Variants in TACC2 observed in about 807,000 individuals in gnomAD.
TACC2 encodes transforming acidic coiled-coil containing protein 2.
Under a neutral mutation model 227.3 loss-of-function variants are expected in TACC2, and 137 were observed. The ratio of observed to expected loss-of-function variants is 0.60; its 90% CI spans 0.52 to 0.69. The LOEUF is 0.69. TACC2 is among the 30% of genes least tolerant of loss of function. The probability of loss-of-function intolerance (pLI) is 0.00; values close to 1 mark genes in which losing one functional copy is unlikely to be tolerated. For synonymous variants in TACC2, 1,523 were observed against 1,487.5 expected (o/e 1.02, Z -0.55); for missense variants, 3,470 against 3,694.4 (o/e 0.94, Z 1.57).
intron 6 of TACC2, among the ~76,000 whole-genome samples, chr10:122,139,708 G>A (rs577658406): frequency 6.6e-5 from 10 of 152,180 alleles, no homozygotes; most frequent in South Asian, 2.1e-4. Flanking sequence ...TGGGAATTTC[G>A]GAAGAAAAAA....
chr10:122,171,311 T>C (rs2093461319), intron 7 of TACC2, among the ~76,000 whole-genome samples: 1 of 151,020 alleles, frequency 6.6e-6, no homozygotes, highest in Non-Finnish European at 1.5e-5. Context: ...AACAGAAGCC[T>C]TGGGCTCTGG....
Position 122,087,298 on chromosome 10 carries a change from C to A in TACC2, c.4798C>A (p.His1600Asn). The A allele has an allele frequency of 6.2e-7, 1 of 1,613,982 alleles. No individual in the cohort carries two copies. The highest frequency in any genetic ancestry group is 1.7e-5 in the Admixed American group (1 of 60,034). The part of the protein sequence containing the change: ...AQDRIPSGKQ[H>N]QETSACDSPH... Reference sequence around the variant, plus strand: ...AGACAGAATTCCTTCTGGAAAGCAGCACCAGGAAACATCTGCCTGCGACAG... The same window carrying A: ...AGACAGAATTCCTTCTGGAAAGCAGAACCAGGAAACATCTGCCTGCGACAG... Residue 1600 changes from histidine to asparagine, a missense_variant, in exon 4 of 23, where the codon CAC (histidine) becomes AAC (asparagine). Transcript: ENST00000369005.
rs1554997868 is a variant in TACC2 at position 122,075,200 on chromosome 10, A to AAAG, written c.147-7445_147-7444insGAA. ...TAAATCTTGCTGCCAAAAAAAAAAAAAAAGAAAGAAAGAAAGAAAGTCAGC... is the reference window on the plus strand; with the variant it reads ...TAAATCTTGCTGCCAAAAAAAAAAAAAAGAAAGAAAGAAAGAAAGAAAGTCAGC... On this transcript the variant is annotated intron_variant, in intron 3 of 22. Coordinates refer to ENST00000369005, the MANE Select transcript of TACC2 (RefSeq NM_206862.4). Among the ~76,000 whole-genome samples, 410 of 122,356 alleles carry AAAG rather than the reference A, an allele frequency of 3.4e-3. 1 individual carries two copies. Among genetic ancestry groups the AAAG allele is most frequent in the South Asian group, 0.013 (47 of 3,720 alleles). The allele number at this position is 122,356 out of a possible 152,430, so 80.3% of individuals were successfully genotyped here. A position where few individuals can be genotyped will look rare whatever the true frequency, so the allele number is the denominator to read the frequency against.
chr10:122,051,086 G>A (rs951162916), intron 3 of TACC2: 4 of 153,790 alleles, frequency 2.6e-5, no homozygotes, highest in African/African-American at 9.7e-5. Context: ...TTGAGATGGA[G>A]TCTCATCCAG....
chr10:122,182,229 G>A (rs1351263859), intron 7 of TACC2, among the ~76,000 whole-genome samples: 1 of 152,196 alleles, frequency 6.6e-6, no homozygotes. Context: ...CTCTGGGCAG[G>A]ACCCTGAGAA....
intron 15 of TACC2, among the ~76,000 whole-genome samples, 162 bp downstream of exon 15, chr10:122,229,648 C>T (rs931063305): frequency 6.6e-6 from 1 of 152,132 alleles, no homozygotes; most frequent in Non-Finnish European, 1.5e-5. Context: ...GACGTTCTTT[C>T]CCCACGATAC....
rs2083054339 is a variant in TACC2, at chr10:122,107,891, CTTTT to C, written c.5573+19303_5573+19306del. On this transcript the variant is annotated intron_variant, in intron 5 of 22. Transcript: ENST00000369005. ...ATATATATATATATATTTTTTTTTT[CTTTT>C]TTCTTTTTTTTTTTTTGAGACGGAG... is the stretch of plus-strand genomic sequence containing the variant. Among the ~76,000 whole-genome samples, 28 of 47,010 alleles carry C rather than the reference CTTTT, an allele frequency of 6.0e-4. 1 individual carries two copies. The highest frequency in any genetic ancestry group is 1.0e-3 in the East Asian group (1 of 958). 30.8% of individuals were successfully genotyped at this position (47,010 alleles called of 152,430 possible).
intron 7 of TACC2, among the ~76,000 whole-genome samples, chr10:122,148,727 C>T (rs1422521329): frequency 2.6e-5 from 4 of 152,256 alleles, no homozygotes; most frequent in African/African-American, 4.8e-5. Flanking sequence ...GCTGTGGAAA[C>T]GATGACACAA....
intron 2 of TACC2, among the ~76,000 whole-genome samples, chr10:122,025,325 A>G (rs537644162): frequency 3.3e-5 from 5 of 152,104 alleles, no homozygotes; most frequent in African/African-American, 9.6e-5. Context: ...CAATGACATG[A>G]TCTTGGCTCA....
intron 5 of TACC2, among the ~76,000 whole-genome samples, chr10:122,127,323 C>T (rs1025763377): frequency 6.6e-5 from 10 of 152,218 alleles, no homozygotes; most frequent in Admixed American, 2.0e-4. Flanking sequence ...TCCCAGTGCC[C>T]GCCTTGGGGC....
At chr10:122,036,353 C>T (rs544075388) in intron 2 of TACC2, among the ~76,000 whole-genome samples, 49 of 151,956 alleles carry the variant, frequency 3.2e-4, no homozygotes, top group African/African-American at 8.0e-4. Flanking sequence ...CCACCACGCC[C>T]GGCTAATTTT....
At chr10:122,041,880 T>A (rs2136021097) in intron 2 of TACC2, among the ~76,000 whole-genome samples, 1 of 152,360 alleles carries the variant, frequency 6.6e-6, no homozygotes, top group South Asian at 2.1e-4. Context: ...CGGCTCCAGG[T>A]TTTGGCCAGA....
At chr10:122,214,898 A>T (rs1302990299) in intron 9 of TACC2, among the ~76,000 whole-genome samples, 1 of 151,998 alleles carries the variant, frequency 6.6e-6, no homozygotes, top group African/African-American at 2.4e-5. Context: ...GATAGGGAGG[A>T]TTCAGGAGGT....
At chr10:122,183,827 C>A (rs1267615242) in intron 7 of TACC2, among the ~76,000 whole-genome samples, 2 of 152,158 alleles carry the variant, frequency 1.3e-5, no homozygotes, top group East Asian at 3.9e-4. Flanking sequence ...TCTGCCCTTG[C>A]CCCTGAGTGG....
chr10:122,086,258 T>G lies in TACC2; in HGVS notation c.3758T>G (p.Val1253Gly). ...CAGAGAGGAGCAGAAGACAGTGGAG[T>G]GAAAGCTGTTTCCTCTGCAGACCCC... ...AAQRGAEDSG[V>G]KAVSSADPRA... The change falls in exon 4 of 23, where the codon GTG becomes GGG. Residue 1253 changes from valine to glycine, a missense_variant. Around this residue, in one of 10 missense-constraint regions of TACC2, gnomAD observed 1,924 missense variants for 1,978.3 expected, o/e 0.97. Coordinates refer to ENST00000369005, the MANE Select transcript of TACC2 (RefSeq NM_206862.4). 6.2e-7 allele frequency: 1 copy of G among 1,613,764 alleles called. No homozygotes were observed. Among genetic ancestry groups the G allele is most frequent in the Non-Finnish European group, 8.5e-7 (1 of 1,180,010 alleles).
In TACC2 at chr10:122,087,100, C is replaced by A; in HGVS notation, c.4600C>A (p.Pro1534Thr). The change falls in exon 4 of 23, where the codon CCT (proline) becomes ACT (threonine). Residue 1534 changes from proline to threonine, a missense_variant. Pro to Thr is a conservative substitution (Grantham distance 38). Around this residue, in one of 10 missense-constraint regions of TACC2, gnomAD observed 1,924 missense variants for 1,978.3 expected, o/e 0.97. Transcript: ENST00000369005. Reference sequence around the variant, plus strand: ...GAGGGAAGACGAGAGGCCAGAGGGGCCTGGGGCAGCCTGGCCAGGCCTGGA... The same window carrying A: ...GAGGGAAGACGAGAGGCCAGAGGGGACTGGGGCAGCCTGGCCAGGCCTGGA... ...TLREDERPEG[P>T]GAAWPGLEGQ... 1.2e-6 allele frequency: 2 copies of A among 1,609,892 alleles called. No individual in the cohort carries two copies. Among genetic ancestry groups the A allele is most frequent in the Non-Finnish European group, 1.7e-6 (2 of 1,178,446 alleles).
intron 2 of TACC2, among the ~76,000 whole-genome samples, chr10:122,044,347 A>C (rs957844825): frequency 6.6e-6 from 1 of 152,254 alleles, no homozygotes; most frequent in Non-Finnish European, 1.5e-5. Flanking sequence ...GGGATGGTCT[A>C]GCAGAACTGG....
chr10:122,239,743 A>C (rs1270146650), intron 18 of TACC2, among the ~76,000 whole-genome samples: 1 of 152,042 alleles, frequency 6.6e-6, no homozygotes, highest in African/African-American at 2.4e-5. Context: ...AGGAGGTGCC[A>C]TTTACTAGCT....
chr10:122,230,152 G>A (rs75759924), intron 15 of TACC2, among the ~76,000 whole-genome samples, 199 bp from the exon 16 acceptor site: 7,144 of 152,294 alleles, frequency 0.047, 243 homozygotes, highest in Non-Finnish European at 0.069. Context: ...AATCAGAAGG[G>A]TGATTTTTAG....
Sources: gnomAD v4.1 joint callset for allele counts (sites outside exome capture counted in the v4.1 genomes callset) on GRCh38, gnomAD v4.1.1 for gene constraint, gnomAD v4.1.1 regional missense constraint, MANE v1.5 for transcripts, NCBI Gene and HGNC (gene_info 2026-07-23, HGNC 2026-07-21) for gene names.